The following PHF24 variants were observed in gnomAD, a reference collection of about 807,000 sequenced individuals.
PHF24 encodes the protein Galpha inhibitory interacting protein.
PHF24 carries 25 observed loss-of-function variants against 42.6 expected under a neutral mutation model. The ratio of observed to expected loss-of-function variants is 0.59; its 90% CI spans 0.43 to 0.82. The LOEUF (loss-of-function observed/expected upper bound fraction) is 0.82. Among genes scored for constraint, PHF24 ranks in the 40% least tolerant of loss-of-function variants. The pLI, the probability that PHF24 is intolerant of heterozygous loss-of-function variation, is 0.00. For missense variants in PHF24, 470 were observed against 538.1 expected (o/e 0.87, Z 1.25); for synonymous variants, 185 against 204.8 (o/e 0.90, Z 0.83).
the PHF24 span, among the ~76,000 whole-genome samples, chr9:34,701,840 T>C: frequency 6.6e-6 from 1 of 152,070 alleles, no homozygotes; most frequent in Non-Finnish European, 1.5e-5. The surrounding 1 kb of genome is among the most constrained non-coding windows in gnomAD (Gnocchi z 5.8). Flanking sequence ...TGTCGGCGAA[T>C]ATGAAGCATT....
chr9:34,972,457 T>C, exon 3 of PHF24: 1 of 1,614,178 alleles, frequency 6.2e-7, no homozygotes, highest in Non-Finnish European at 8.5e-7. Context: ...CCGCATGGGC[T>C]ACATCCAAGG....
chr9:34,719,626 G>A, the PHF24 span, among the ~76,000 whole-genome samples: 2 of 152,186 alleles, frequency 1.3e-5, no homozygotes, highest in South Asian at 4.1e-4. Context: ...GCTGGCCTCA[G>A]GCAGGTGGGA....
the PHF24 span, among the ~76,000 whole-genome samples, chr9:34,904,006 G>A: frequency 1.7e-4 from 26 of 152,066 alleles, no homozygotes; most frequent in Non-Finnish European, 3.5e-4. Flanking sequence ...GTATAGAAGC[G>A]TTACTGATTT....
At chr9:34,940,298 G>C in the PHF24 span, among the ~76,000 whole-genome samples, 1 of 152,026 alleles carries the variant, frequency 6.6e-6, no homozygotes, top group East Asian at 1.9e-4. Context: ...AAGACACACA[G>C]AAGCAGTCCA....
At chr9:34,934,538 TC>T in the PHF24 span, among the ~76,000 whole-genome samples, 2 of 123,122 alleles carry the variant, frequency 1.6e-5, no homozygotes, top group East Asian at 2.6e-4. Context: ...AGCCCCCCCT[TC>T]CTACTCTCAG....
At chr9:34,776,760 C>T in the PHF24 span, among the ~76,000 whole-genome samples, 1 of 152,052 alleles carries the variant, frequency 6.6e-6, no homozygotes, top group East Asian at 1.9e-4. Context: ...GTAACATTTC[C>T]TTGTTTTTTC....
At chr9:34,815,447 C>G in the PHF24 span, among the ~76,000 whole-genome samples, 1 of 152,026 alleles carries the variant, frequency 6.6e-6, no homozygotes, top group African/African-American at 2.4e-5. Flanking sequence ...CTCAGCCTCC[C>G]GAGTAGCTGG....
chr9:34,669,148 A>T, the PHF24 span, among the ~76,000 whole-genome samples: 1 of 152,170 alleles, frequency 6.6e-6, no homozygotes, highest in Admixed American at 6.5e-5. Flanking sequence ...GTATAAAACC[A>T]AGCTGTGCAC....
At chr9:34,716,493 C>T in the PHF24 span, among the ~76,000 whole-genome samples, 1 of 152,126 alleles carries the variant, frequency 6.6e-6, no homozygotes, top group South Asian at 2.1e-4. Flanking sequence ...GATCTTAATC[C>T]AAGGAGATAA....
chr9:34,758,544 C>T, the PHF24 span, among the ~76,000 whole-genome samples: 108 of 152,168 alleles, frequency 7.1e-4, no homozygotes, highest in African/African-American at 2.4e-3. This position sits in a 1 kb window ranked among gnomAD's most constrained non-coding sequence, Gnocchi z 4.4. Flanking sequence ...CCTGGGATTG[C>T]GGCATTCAGC....
At position 34,977,424 on chromosome 9, in the gene PHF24, G is replaced by A. The variant is rs867579817; in HGVS notation, c.1011-122G>A. On this transcript the variant is annotated intron_variant, in intron 6 of 7. Transcript: ENST00000242315. The stretch of plus-strand genomic sequence containing the variant: ...ATAGGACAGCCTCTGCCTTCAACTC[G>A]GTGTTGCCACATGTCAGAAGAGCCT... 2.5e-5 allele frequency: 30 copies of A among 1,223,812 alleles called. No individual in the cohort carries two copies. In the Middle Eastern group the frequency reaches 1.5e-3, roughly 61 times the overall value. 75.8% of individuals were successfully genotyped at this position (1,223,812 alleles called of 1,614,324 possible). A position where few individuals can be genotyped will look rare whatever the true frequency, so the allele number is the denominator to read the frequency against.
chr9:34,910,799 A>G, the PHF24 span, among the ~76,000 whole-genome samples: 1 of 151,926 alleles, frequency 6.6e-6, no homozygotes, highest in East Asian at 1.9e-4. Context: ...TTATCTTTAG[A>G]TATATATGAC....
chr9:34,812,556 C>CAT, the PHF24 span, among the ~76,000 whole-genome samples: 21 of 152,154 alleles, frequency 1.4e-4, no homozygotes, highest in African/African-American at 5.1e-4. Flanking sequence ...GGTTACATAC[C>CAT]ATCATCCCTG....
At chr9:34,978,429 G>A in exon 8 of PHF24, 1 of 313,122 alleles carries the variant, frequency 3.2e-6, no homozygotes, top group Non-Finnish European at 6.0e-6. Context: ...GCCTTCAGAA[G>A]CCTGGTTCTT....
the PHF24 span, among the ~76,000 whole-genome samples, chr9:34,791,548 A>C: frequency 6.6e-6 from 1 of 151,668 alleles, no homozygotes; most frequent in African/African-American, 2.4e-5. Context: ...AGTCATGGGA[A>C]TAGATCAGAT....
chr9:34,937,009 G>C, the PHF24 span, among the ~76,000 whole-genome samples: 2 of 138,572 alleles, frequency 1.4e-5, no homozygotes, highest in Non-Finnish European at 3.1e-5. Flanking sequence ...CAGCCGCCCC[G>C]TCCGGGAGGG....
chr9:34,762,414 T>C, the PHF24 span, among the ~76,000 whole-genome samples: 1 of 151,626 alleles, frequency 6.6e-6, no homozygotes, highest in East Asian at 1.9e-4. Context: ...TGGTAGCTCA[T>C]TGTGGTTTTG....
At chr9:34,971,620 A>T (rs1398732417) in exon 2 of PHF24, 1 of 1,613,726 alleles carries the variant, frequency 6.2e-7, no homozygotes, top group East Asian at 2.2e-5. Context: ...CATCCGCCCC[A>T]CCCGGAAGCT....
the PHF24 span, among the ~76,000 whole-genome samples, chr9:34,840,499 CCCTT>C: frequency 8.6e-5 from 13 of 151,154 alleles, no homozygotes; most frequent in East Asian, 2.2e-3. Flanking sequence ...TCCCCTCCCT[CCCTT>C]CCTTCCTTCC....
Sources: allele counts gnomAD v4.1 joint callset (sites outside exome capture counted in the v4.1 genomes callset), GRCh38; gene constraint gnomAD v4.1.1; non-coding constraint Gnocchi (gnomAD v3.1); transcripts MANE v1.5; gene names NCBI Gene and HGNC (gene_info 2026-07-23, HGNC 2026-07-21).